The following F8 variants were observed in gnomAD, a reference collection of about 807,000 sequenced individuals.
F8 encodes the protein coagulation factor VIII.
F8 carries 12 observed loss-of-function variants against 140.6 expected under a neutral mutation model. The observed-to-expected ratio is 0.09, with a 90% CI of 0.05 to 0.14. F8 has a LOEUF of 0.14. Ranked by LOEUF, F8 falls within the 10% of genes least tolerant of loss-of-function variation. The pLI, the probability that F8 is intolerant of heterozygous loss-of-function variation, is 1.00. For missense variants in F8, 1,354 were observed against 1,720.7 expected (o/e 0.79, Z 3.77); for synonymous variants, 585 against 614.6 (o/e 0.95, Z 0.71).
At chrX:154,843,967 A>C (rs1482009108) in intron 25 of F8, among the ~76,000 whole-genome samples, 1 of 111,452 alleles carries the variant, frequency 9.0e-6, no homozygotes, top group African/African-American at 3.3e-5. Context: ...TAATTTTTGT[A>C]TAAGGTGTAA....
intron 25 of F8, among the ~76,000 whole-genome samples, chrX:154,847,601 C>T (rs894736926): frequency 2.9e-4 from 33 of 112,435 alleles, no homozygotes; most frequent in African/African-American, 1.0e-3. Flanking sequence ...ATGCATTCGT[C>T]ACATAGTTCT....
At chrX:154,980,082 T>C (rs1293416182) in intron 6 of F8, among the ~76,000 whole-genome samples, 31 of 111,791 alleles carry the variant, frequency 2.8e-4, no homozygotes, top group Admixed American at 1.8e-3. Context: ...CAATGCTTCC[T>C]GTCACTGCTC....
chrX:154,983,202 T>C lies in F8; in HGVS notation c.787+1485A>G, dbSNP rs368430864. The stretch of plus-strand genomic sequence containing the variant: ...TTTTTATGAGCACGTTTTGTTATGA[T>C]TGTTTTTCATAGAATCCTATTGTTA... On this transcript the variant is annotated intron_variant, in intron 6 of 25. Coordinates refer to ENST00000360256, the MANE Select transcript of F8 (RefSeq NM_000132.4). Among the ~76,000 whole-genome samples, 8 of 112,693 alleles carry C rather than the reference T, an allele frequency of 7.1e-5. No individual in the cohort carries two copies. In the East Asian group the frequency reaches 1.4e-3, roughly 19 times the overall value.
At chrX:155,000,562 G>A (rs1224194508) in intron 1 of F8, among the ~76,000 whole-genome samples, 2 of 112,117 alleles carry the variant, frequency 1.8e-5, no homozygotes, top group African/African-American at 6.5e-5. Context: ...GGGTAATTAA[G>A]GCTTAGTTGG....
At chrX:154,938,652 G>A (rs1367161298) in intron 13 of F8, among the ~76,000 whole-genome samples, 1 of 110,763 alleles carries the variant, frequency 9.0e-6, no homozygotes, top group Non-Finnish European at 1.9e-5. Flanking sequence ...CACCCTTAAA[G>A]GAGTGAAAAG....
At chrX:154,956,377 G>A (rs2073365175) in intron 11 of F8, among the ~76,000 whole-genome samples, 1 of 112,394 alleles carries the variant, frequency 8.9e-6, no homozygotes, top group Non-Finnish European at 1.9e-5. Flanking sequence ...GAAATTATAA[G>A]AGTATTGGTT....
chrX:154,877,465 G>T (rs782112582), intron 22 of F8, among the ~76,000 whole-genome samples: 1 of 111,644 alleles, frequency 9.0e-6, no homozygotes, highest in Non-Finnish European at 1.9e-5. Context: ...GCCTCTAGAA[G>T]CTGGAAAAGA....
intron 15 of F8, 102 bp from the exon 16 acceptor site, chrX:154,905,125 C>T (rs782520826): frequency 1.5e-6 from 1 of 665,338 alleles, no homozygotes; most frequent in African/African-American, 2.2e-5. Flanking sequence ...GTCTTTTGGT[C>T]TTTATCAAAG....
At chrX:155,017,373 T>G (rs1170675057) in intron 1 of F8, among the ~76,000 whole-genome samples, 1 of 112,244 alleles carries the variant, frequency 8.9e-6, no homozygotes, top group East Asian at 2.8e-4. Context: ...AGTAAATGGG[T>G]CTGTCATAAG....
At chrX:154,976,039 G>A (rs2073483529) in intron 6 of F8, among the ~76,000 whole-genome samples, 1 of 110,987 alleles carries the variant, frequency 9.0e-6, no homozygotes, top group Non-Finnish European at 1.9e-5. Flanking sequence ...GGGACTACAG[G>A]CGCCTGCCAC....
At chrX:154,968,049 A>T (rs2124108038) in intron 7 of F8, among the ~76,000 whole-genome samples, 1 of 112,007 alleles carries the variant, frequency 8.9e-6, no homozygotes, top group African/African-American at 3.2e-5. Flanking sequence ...AATATAAAAG[A>T]TTAGGCCTCT....
At chrX:154,955,889 C>T (rs2073362647) in intron 11 of F8, among the ~76,000 whole-genome samples, 1 of 111,776 alleles carries the variant, frequency 8.9e-6, no homozygotes. Context: ...GGTTCAAGAG[C>T]AGAGAACTGG....
In F8 at chrX:154,960,032, G is replaced by A. The variant is rs192185959; in HGVS notation, c.1537+1043C>T. Among the ~76,000 whole-genome samples, 275 of 111,803 alleles carry A rather than the reference G, an allele frequency of 2.5e-3. 10 individuals are homozygous for A. The South Asian group carries it at 0.057, about 23-fold the overall frequency. On this transcript the variant is annotated intron_variant, in intron 10 of 25. Coordinates refer to ENST00000360256, the MANE Select transcript of F8 (RefSeq NM_000132.4). ...GCAGCAGTAGAGAAAAGAAAGGTTT[G>A]GGGAAAGGAAAAGTGAGGGGTACAG... is the stretch of plus-strand genomic sequence containing the variant.
At chrX:154,857,351 T>C (rs782016993) in intron 25 of F8, among the ~76,000 whole-genome samples, 59 of 111,874 alleles carry the variant, frequency 5.3e-4, no homozygotes, top group African/African-American at 1.8e-3. Flanking sequence ...TGAAAACACA[T>C]GTAAATTACA....
chrX:154,906,537 A>G lies in F8; in HGVS notation c.5256T>C (p.Val1752=). 8.3e-7 allele frequency: 1 copy of G among 1,210,483 alleles called. No individual in the cohort carries two copies. The highest frequency in any genetic ancestry group is 1.1e-6 in the Non-Finnish European group (1 of 894,853). ...AGCCATCAGTAAATTCCTGGAAAAC[A>G]ACTTTCTTGAACTGAGGGACACTGC... ...QSGSVPQFKK[V]VFQEFTDGSF... Residue 1752 remains valine (V), a synonymous_variant, in exon 15 of 26, where the codon GTT becomes GTC. Transcript: ENST00000360256.
chrX:154,974,497 C>A (rs1355689898), intron 6 of F8, among the ~76,000 whole-genome samples: 1 of 111,902 alleles, frequency 8.9e-6, no homozygotes, highest in Non-Finnish European at 1.9e-5. Context: ...TTTTAATGTG[C>A]TGTTGAATTC....
At chrX:154,972,697 TTCTG>T (rs200850312) in intron 6 of F8, among the ~76,000 whole-genome samples, 1,607 of 100,370 alleles carry the variant, frequency 0.016, 61 homozygotes, top group African/African-American at 0.059. Flanking sequence ...TTTCTTTTCT[TTCTG>T]TCTTTCTTTT....
chrX:154,926,796 T>G (rs1281663233), intron 14 of F8, among the ~76,000 whole-genome samples: 3 of 111,912 alleles, frequency 2.7e-5, no homozygotes, highest in Non-Finnish European at 3.8e-5. Context: ...AAATTTTGAC[T>G]TCAGGAGAGA....
intron 22 of F8, among the ~76,000 whole-genome samples, chrX:154,877,413 C>T (rs1557274108): frequency 1.8e-5 from 2 of 111,528 alleles, no homozygotes; most frequent in Non-Finnish European, 3.8e-5. Flanking sequence ...TTACTGGCTT[C>T]GAAGATGGAG....
Sources: gnomAD v4.1 joint callset for allele counts (sites outside exome capture counted in the v4.1 genomes callset) on GRCh38, gnomAD v4.1.1 for gene constraint, MANE v1.5 for transcripts, NCBI Gene and HGNC (gene_info 2026-07-23, HGNC 2026-07-21) for gene names.